Variants in WWC2 observed in about 807,000 individuals in gnomAD.
The protein encoded by WWC2 is protein WWC2.
In WWC2, 101 loss-of-function variants were observed where a neutral mutation model predicts 138.5. The observed-to-expected ratio is 0.73, with a 90% CI of 0.62 to 0.86. The LOEUF (loss-of-function observed/expected upper bound fraction) is 0.86. WWC2 is among the 40% of genes least tolerant of loss of function. The pLI is 0.00. For missense variants in WWC2, 1,420 were observed against 1,419.4 expected (o/e 1.00, Z -0.01); for synonymous variants, 558 against 538.4 (o/e 1.04, Z -0.50).
chr4:183,247,571 C>A (rs138301272), intron 6 of WWC2, among the ~76,000 whole-genome samples: 3,133 of 130,760 alleles, frequency 0.024, 191 homozygotes, highest in African/African-American at 0.093. Flanking sequence ...TATATATGCT[C>A]TATATACTAT....
chr4:183,319,669 G>A lies in WWC2; in HGVS notation c.*3940G>A, dbSNP rs756391635. On this transcript the variant is annotated 3_prime_UTR_variant, in exon 23 of 23. Transcript: ENST00000403733. ...GCGTGGCTGGAGCAGGCTGCACAGT[G>A]GAGCAGACACCCTCCTAGCAGAAGA... 3 of 1,614,140 alleles carry A rather than the reference G, an allele frequency of 1.9e-6. No individual in the cohort carries two copies. In the African/African-American group the frequency reaches 4.0e-5, roughly 22 times the overall value.
chr4:183,268,942 G>A, intron 14 of WWC2, 29 bp from the exon 15 acceptor site: 2 of 1,583,586 alleles, frequency 1.3e-6, no homozygotes, highest in South Asian at 2.3e-5. Flanking sequence ...AAGTACCTAT[G>A]AAATCCATTT....
At chr4:183,165,546 TGGGTGTGGAAGG>T (rs1236996519) in intron 1 of WWC2, among the ~76,000 whole-genome samples, 3 of 152,102 alleles carry the variant, frequency 2.0e-5, no homozygotes, top group African/African-American at 4.8e-5. Context: ...GTTTAAGGAA[TGGGTGTGGAAGG>T]GGGTGTGGGG....
At chr4:183,313,280 T>C (rs1739325494) in intron 22 of WWC2, among the ~76,000 whole-genome samples, 1 of 152,200 alleles carries the variant, frequency 6.6e-6, no homozygotes, top group Non-Finnish European at 1.5e-5. Context: ...ACCCGTGGTC[T>C]CTGACGGGCG....
chr4:183,264,792 G>A (rs112893678), intron 11 of WWC2, among the ~76,000 whole-genome samples, 186 bp from the exon 12 acceptor site: 4 of 152,198 alleles, frequency 2.6e-5, no homozygotes, highest in African/African-American at 9.6e-5. Context: ...AAAAACTGGC[G>A]TCCCAGGAAT....
chr4:183,271,816 C>G (rs759079149), intron 16 of WWC2, among the ~76,000 whole-genome samples: 33 of 152,060 alleles, frequency 2.2e-4, no homozygotes, highest in Non-Finnish European at 1.3e-4. Flanking sequence ...CCAGCATGGG[C>G]AACATAGCAA....
intron 1 of WWC2, among the ~76,000 whole-genome samples, chr4:183,144,999 G>A (rs1733408624): frequency 6.6e-6 from 1 of 152,214 alleles, no homozygotes; most frequent in Admixed American, 6.5e-5. Context: ...AGCCGTAGGC[G>A]AGATGCTGTG....
At chr4:183,103,638 CTTT>C (rs576659490) in intron 1 of WWC2, among the ~76,000 whole-genome samples, 6 of 120,272 alleles carry the variant, frequency 5.0e-5, no homozygotes, top group Admixed American at 8.7e-5. Context: ...TTGTGTTTCT[CTTT>C]TTTTTTTTTT....
chr4:183,195,537 T>C (rs1212325979), intron 2 of WWC2, among the ~76,000 whole-genome samples: 1 of 152,228 alleles, frequency 6.6e-6, no homozygotes, highest in East Asian at 1.9e-4. Context: ...TCCTGTTTGG[T>C]ATCTTTACTA....
chr4:183,124,857 C>G (rs975466255), intron 1 of WWC2, among the ~76,000 whole-genome samples: 3 of 152,132 alleles, frequency 2.0e-5, no homozygotes, highest in Non-Finnish European at 4.4e-5. Context: ...ATTTCGTTAT[C>G]TTGTACTTAC....
In WWC2 at chr4:183,293,939, C is replaced by T. The variant is rs530023221; in HGVS notation, c.3384+4304C>T. ...AAGCAAATTCATGGAGAATTTATTA[C>T]ATCCATGTAGAGCAGGGGTCTGTAA... On this transcript the variant is annotated intron_variant, in intron 21 of 22. Coordinates refer to ENST00000403733, the MANE Select transcript of WWC2 (RefSeq NM_024949.6). 2.0e-5 allele frequency among the ~76,000 whole-genome samples: 3 copies of T among 152,198 alleles called. No individual in the cohort carries two copies. The East Asian group carries it at 5.8e-4, about 29-fold the overall frequency.
At position 183,201,769 on chromosome 4, in the gene WWC2, T is replaced by A. The variant is rs571008325; in HGVS notation, c.242-6184T>A. On this transcript the variant is annotated intron_variant, in intron 2 of 22. Transcript: ENST00000403733. The stretch of plus-strand genomic sequence containing the variant: ...GCTTTTTGAAGACAGTATATGCCCC[T>A]GGGCATTCCAGAAAATTGATAGTAT... Among the ~76,000 whole-genome samples the A allele has an allele frequency of 1.1e-4, 16 of 152,318 alleles. 1 individual carries two copies. The highest frequency in any genetic ancestry group is 3.8e-4 in the African/African-American group (16 of 41,568).
At chr4:183,233,207 A>C (rs1023659439) in intron 4 of WWC2, among the ~76,000 whole-genome samples, 1 of 107,880 alleles carries the variant, frequency 9.3e-6, no homozygotes, top group African/African-American at 3.7e-5. Context: ...CCTAGGTTTG[A>C]GTGCAATGGC....
At position 183,253,785 on chromosome 4, in the gene WWC2, A is replaced by G. The variant is rs754470805; in HGVS notation, c.982A>G (p.Lys328Glu). 1.1e-5 allele frequency: 17 copies of G among 1,613,140 alleles called. No individual in the cohort carries two copies. Among genetic ancestry groups the G allele is most frequent in the Middle Eastern group, 1.6e-4 (1 of 6,084 alleles). ...GGCCAACTTAAAAATTGAACTGTCA[A>G]AATTGGACAGTGAGGCCTGGCCTGG... Reference protein sequence around the residue: ...SMANLKIELSKLDSEAWPGAL... With the variant: ...SMANLKIELSELDSEAWPGAL... Residue 328 changes from lysine to glutamate, a missense_variant, in exon 9 of 23, where the codon AAA becomes GAA. Transcript: ENST00000403733.
intron 1 of WWC2, among the ~76,000 whole-genome samples, chr4:183,150,209 A>G (rs1033418489): frequency 6.6e-6 from 1 of 152,152 alleles, no homozygotes; most frequent in Non-Finnish European, 1.5e-5. Context: ...CAGTTTTTGG[A>G]TCTATTCCTG....
chr4:183,319,635 G>C lies in WWC2; in HGVS notation c.*3906G>C. On this transcript the variant is annotated 3_prime_UTR_variant, in exon 23 of 23. Coordinates refer to ENST00000403733, the MANE Select transcript of WWC2 (RefSeq NM_024949.6). ...TTGTGCCACTGCGTAGTGGCCCGAA[G>C]CTAGGGGAGCGTGGCTGGAGCAGGC... 2 of 1,614,144 alleles carry C rather than the reference G, an allele frequency of 1.2e-6. No homozygotes were observed. Among genetic ancestry groups the C allele is most frequent in the Non-Finnish European group, 1.7e-6 (2 of 1,180,020 alleles).
intron 14 of WWC2, among the ~76,000 whole-genome samples, chr4:183,267,971 C>T (rs1325275915): frequency 2.6e-5 from 4 of 152,162 alleles, no homozygotes; most frequent in Admixed American, 2.6e-4. Context: ...AGATTTTCTT[C>T]TGCTGAATCT....
chr4:183,270,990 T>C, intron 15 of WWC2, 90 bp from the exon 16 acceptor site: 1 of 1,176,526 alleles, frequency 8.5e-7, no homozygotes, highest in Non-Finnish European at 1.1e-6. Context: ...GCTCATTCAA[T>C]AATCTTTATT....
At chr4:183,270,613 A>T (rs1737667370) in intron 15 of WWC2, among the ~76,000 whole-genome samples, 2 of 151,560 alleles carry the variant, frequency 1.3e-5, no homozygotes, top group South Asian at 4.2e-4. Context: ...AAAATACAAA[A>T]ATTAGCTGGG....
Sources: gnomAD v4.1 joint callset for allele counts (sites outside exome capture counted in the v4.1 genomes callset) on GRCh38, gnomAD v4.1.1 for gene constraint, MANE v1.5 for transcripts, NCBI Gene and HGNC (gene_info 2026-07-23, HGNC 2026-07-21) for gene names.